ARIH2: variants seen among roughly 807,000 people sequenced by gnomAD.
The protein encoded by ARIH2 is E3 ubiquitin-protein ligase ARIH2.
ARIH2 carries 12 observed loss-of-function variants against 79.8 expected under a neutral mutation model. The observed-to-expected ratio is 0.15, with a 90% CI of 0.10 to 0.24. The LOEUF is 0.24. Among genes scored for constraint, ARIH2 ranks in the 10% least tolerant of loss-of-function variants. ARIH2 has a pLI of 1.00. For missense variants in ARIH2, 301 were observed against 618.3 expected (o/e 0.49, Z 5.44); for synonymous variants, 224 against 213.9 (o/e 1.05, Z -0.41).
At chr3:48,967,553 C>T (rs2091884546) in intron 6 of ARIH2, among the ~76,000 whole-genome samples, 1 of 152,196 alleles carries the variant, frequency 6.6e-6, no homozygotes, top group African/African-American at 2.4e-5. Flanking sequence ...AAGCTGCCTA[C>T]CTTGATTCCA....
At chr3:48,961,930 C>A (rs1403703860) in intron 4 of ARIH2, among the ~76,000 whole-genome samples, 2 of 152,150 alleles carry the variant, frequency 1.3e-5, no homozygotes, top group Non-Finnish European at 2.9e-5. Context: ...TTTTTCCAAA[C>A]CTCTGTTGTT....
intron 5 of ARIH2, among the ~76,000 whole-genome samples, chr3:48,966,138 A>G (rs1056620980): frequency 1.3e-5 from 2 of 152,170 alleles, no homozygotes; most frequent in African/African-American, 2.4e-5. Context: ...TTTCCTGTTT[A>G]TCTAGGAGCT....
intron 2 of ARIH2, among the ~76,000 whole-genome samples, chr3:48,923,164 G>A (rs867517161): frequency 6.6e-6 from 1 of 151,316 alleles, no homozygotes; most frequent in Non-Finnish European, 1.5e-5. Context: ...CCGAGATCCC[G>A]CCACTGCACT....
At position 48,927,742 on chromosome 3, in the gene ARIH2, A is replaced by G. The variant is rs200385612; in HGVS notation, c.184A>G (p.Thr62Ala). ...DAFDPEEYQF[T>A]CLTYKESEGA... ...CTTTGATCCCGAGGAGTACCAGTTC[A>G]CTTGCTTGACCTACAAGGAATCTGA... Residue 62 changes from threonine (T) to alanine (A), a missense_variant, in exon 3 of 16, where the codon ACT becomes GCT. Coordinates refer to ENST00000356401, the MANE Select transcript of ARIH2 (RefSeq NM_006321.4). 3 of 1,614,232 alleles carry G rather than the reference A, an allele frequency of 1.9e-6. No individual in the cohort carries two copies. The highest frequency in any genetic ancestry group is 2.7e-5 in the African/African-American group (2 of 75,060).
chr3:48,926,210 C>T (rs1038774083), intron 2 of ARIH2, among the ~76,000 whole-genome samples: 4 of 151,746 alleles, frequency 2.6e-5, no homozygotes, highest in East Asian at 1.9e-4. Flanking sequence ...TCGCTGTTTG[C>T]GGGCTTTTCT....
intron 3 of ARIH2, among the ~76,000 whole-genome samples, chr3:48,937,202 C>G (rs550671664): frequency 6.6e-6 from 1 of 152,216 alleles, no homozygotes; most frequent in Admixed American, 6.6e-5. Context: ...TTCTCTTTGA[C>G]TAGCAGTTTC....
intron 3 of ARIH2, among the ~76,000 whole-genome samples, chr3:48,937,935 T>C (rs1040613261): frequency 2.6e-5 from 4 of 151,054 alleles, no homozygotes; most frequent in Non-Finnish European, 4.4e-5. Context: ...TAGTCCCAGC[T>C]ACTCCGGAGG....
At chr3:48,952,960 G>A (rs1056889459) in intron 3 of ARIH2, among the ~76,000 whole-genome samples, 1 of 151,124 alleles carries the variant, frequency 6.6e-6, no homozygotes, top group South Asian at 2.1e-4. Flanking sequence ...ACGCAGTCTC[G>A]TTCTTGTCAC....
At chr3:48,931,940 C>T (rs556423496) in intron 3 of ARIH2, among the ~76,000 whole-genome samples, 9 of 152,242 alleles carry the variant, frequency 5.9e-5, no homozygotes, top group South Asian at 2.1e-4. Context: ...ACCCAGGAGG[C>T]GGAGCTTGCA....
In ARIH2 at chr3:48,967,214, G is replaced by A; in HGVS notation, c.477G>A (p.Gln159=). Reference sequence around the variant, plus strand: ...TACTCTCTCTGGCCTGTCAGCACCAGTTTTGCCGCAGCTGCTGGGAGCAGC... The same window carrying A: ...TACTCTCTCTGGCCTGTCAGCACCAATTTTGCCGCAGCTGCTGGGAGCAGC... The part of the protein sequence containing the change: ...ENLLSLACQH[Q]FCRSCWEQHC... The change falls in exon 6 of 16, where the codon CAG becomes CAA. Residue 159 remains glutamine, a synonymous_variant. Transcript: ENST00000356401. The A allele has an allele frequency of 1.2e-6, 2 of 1,614,234 alleles. No homozygotes were observed. The highest frequency in any genetic ancestry group is 1.7e-6 in the Non-Finnish European group (2 of 1,180,044).
At chr3:48,956,842 G>T (rs1401882436) in intron 3 of ARIH2, among the ~76,000 whole-genome samples, 2 of 151,834 alleles carry the variant, frequency 1.3e-5, no homozygotes, top group Non-Finnish European at 2.9e-5. Flanking sequence ...AAGTAGCTGG[G>T]ATTACAGGCG....
intron 5 of ARIH2, among the ~76,000 whole-genome samples, chr3:48,966,062 T>C (rs1384293803): frequency 2.6e-5 from 4 of 152,236 alleles, no homozygotes; most frequent in Non-Finnish European, 4.4e-5. Flanking sequence ...ATGTGTGTTA[T>C]AGTGATTAAC....
Position 48,984,811 on chromosome 3 carries a change from A to G in ARIH2, c.*1541A>G, listed in dbSNP as rs1369599545. Reference sequence around the variant, plus strand: ...CAATTTCCCAGGTACCATGTAAGCTATAAAACAGTCATTCTTAAAGACAGA... The same window carrying G: ...CAATTTCCCAGGTACCATGTAAGCTGTAAAACAGTCATTCTTAAAGACAGA... On this transcript the variant is annotated 3_prime_UTR_variant, in exon 16 of 16. Coordinates refer to ENST00000356401, the MANE Select transcript of ARIH2 (RefSeq NM_006321.4). 6.6e-6 allele frequency: 1 copy of G among 152,238 alleles called. No homozygotes were observed. Among genetic ancestry groups the G allele is most frequent in the Non-Finnish European group, 1.5e-5 (1 of 68,046 alleles). The allele number at this position is 152,238 out of a possible 1,614,324, so 9.4% of individuals were successfully genotyped here. A position where few individuals can be genotyped will look rare whatever the true frequency, so the allele number is the denominator to read the frequency against.
rs2092850791 is a variant in ARIH2, at chr3:48,984,461, G to A, written c.*1191G>A. Reference sequence around the variant, plus strand: ...CTAGGGTCTGGGAATCCAAGGCCACGAGACTCCTTGGTTTGTGGTCCGAGA... The same window carrying A: ...CTAGGGTCTGGGAATCCAAGGCCACAAGACTCCTTGGTTTGTGGTCCGAGA... On this transcript the variant is annotated 3_prime_UTR_variant, in exon 16 of 16. Transcript: ENST00000356401. The A allele has an allele frequency of 1.3e-5, 2 of 152,550 alleles. No individual in the cohort carries two copies. The highest frequency in any genetic ancestry group is 4.1e-4 in the South Asian group (2 of 4,828). The allele number at this position is 152,550 out of a possible 1,614,324, so 9.4% of individuals were successfully genotyped here. A position where few individuals can be genotyped will look rare whatever the true frequency, so the allele number is the denominator to read the frequency against.
intron 3 of ARIH2, among the ~76,000 whole-genome samples, chr3:48,939,463 T>G (rs540398877): frequency 6.6e-6 from 1 of 151,298 alleles, no homozygotes; most frequent in Non-Finnish European, 1.5e-5. Flanking sequence ...TTTAAAAATT[T>G]GAAGTAATAA....
intron 11 of ARIH2, among the ~76,000 whole-genome samples, chr3:48,976,809 C>T (rs1434326872): frequency 6.6e-6 from 1 of 152,106 alleles, no homozygotes; most frequent in Non-Finnish European, 1.5e-5. Flanking sequence ...ACTGCCATCT[C>T]ACGAGAATCA....
chr3:48,938,314 G>T (rs2087475699), intron 3 of ARIH2, among the ~76,000 whole-genome samples: 1 of 152,036 alleles, frequency 6.6e-6, no homozygotes, highest in Non-Finnish European at 1.5e-5. Flanking sequence ...TGTTTGTTTT[G>T]GTATTCAGAT....
In ARIH2 at chr3:48,973,741, C is replaced by T. The variant is rs2092367218; in HGVS notation, c.813C>T (p.Ala271=). ...RQMYHAPTDC[A]TIRKWLTKCA... ...TGTATCACGCACCCACAGACTGTGCCACAATCCGGAAATGGCTCACGAAGT... is the reference window on the plus strand; with the variant it reads ...TGTATCACGCACCCACAGACTGTGCTACAATCCGGAAATGGCTCACGAAGT... Residue 271 remains alanine, a synonymous_variant, in exon 9 of 16, where the codon GCC becomes GCT. Transcript: ENST00000356401. 3.1e-6 allele frequency: 5 copies of T among 1,614,130 alleles called. No individual in the cohort carries two copies. The highest frequency in any genetic ancestry group is 4.2e-6 in the Non-Finnish European group (5 of 1,180,028).
chr3:48,941,057 A>G (rs1398344292), intron 3 of ARIH2, among the ~76,000 whole-genome samples: 1 of 151,416 alleles, frequency 6.6e-6, no homozygotes, highest in South Asian at 2.1e-4. Context: ...CTGTAGTCCC[A>G]GCTACTCGGG....
Sources: allele counts gnomAD v4.1 joint callset (sites outside exome capture counted in the v4.1 genomes callset), GRCh38; gene constraint gnomAD v4.1.1; transcripts MANE v1.5; gene names NCBI Gene and HGNC (gene_info 2026-07-23, HGNC 2026-07-21).